The following PRR16 variants were observed in gnomAD, a reference collection of about 807,000 sequenced individuals.
PRR16 encodes protein Largen.
In PRR16, 6 loss-of-function variants were observed where a neutral mutation model predicts 18.2. That is an observed-to-expected ratio of 0.33 (90% CI 0.18 to 0.65). The LOEUF (loss-of-function observed/expected upper bound fraction) is 0.65, where lower values mean the gene tolerates loss of function less well. Among genes scored for constraint, PRR16 ranks in the 30% least tolerant of loss-of-function variants. PRR16 has a pLI of 0.74. For missense variants in PRR16, 412 were observed against 376.6 expected (o/e 1.09, Z -0.78); for synonymous variants, 151 against 147.8 (o/e 1.02, Z -0.16).
intron 1 of PRR16, among the ~76,000 whole-genome samples, chr5:120,595,627 C>A (rs1157237480): frequency 6.6e-6 from 1 of 151,830 alleles, no homozygotes; most frequent in Non-Finnish European, 1.5e-5. Flanking sequence ...CACCACACTC[C>A]ATGACACAAC....
chr5:120,774,121 GTATT>G, the PRR16 span, among the ~76,000 whole-genome samples: 29 of 152,172 alleles, frequency 1.9e-4, no homozygotes, highest in African/African-American at 6.5e-4. Context: ...TTAAGGTTGA[GTATT>G]TAATTTCTTA....
At chr5:120,534,661 A>T (rs1455278072) in intron 1 of PRR16, among the ~76,000 whole-genome samples, 1 of 152,156 alleles carries the variant, frequency 6.6e-6, no homozygotes, top group South Asian at 2.1e-4. Context: ...ACTCAGCATA[A>T]GTTGGTCCAT....
chr5:120,670,913 C>A (rs1249318159), intron 1 of PRR16, among the ~76,000 whole-genome samples: 4 of 152,076 alleles, frequency 2.6e-5, no homozygotes, highest in African/African-American at 9.7e-5. Flanking sequence ...TTTTTTATGA[C>A]TTGCTTTATG....
chr5:120,529,748 GA>G (rs1372179300), intron 1 of PRR16, among the ~76,000 whole-genome samples: 3 of 152,028 alleles, frequency 2.0e-5, no homozygotes, highest in Non-Finnish European at 4.4e-5. Context: ...TGAGTCTAAG[GA>G]TTTAAGAATA....
intron 1 of PRR16, among the ~76,000 whole-genome samples, chr5:120,497,384 A>ATTTTTTTTTTTTTTTTTTTT (rs765496177): frequency 1.2e-5 from 1 of 84,178 alleles, no homozygotes; most frequent in Non-Finnish European, 2.2e-5. Context: ...TGATGAACTG[A>ATTTTTTTTTTTTTTTTTTTT]TTTTTTTTTT....
At chr5:120,610,546 G>A (rs1243198986) in intron 1 of PRR16, among the ~76,000 whole-genome samples, 1 of 151,992 alleles carries the variant, frequency 6.6e-6, no homozygotes, top group Non-Finnish European at 1.5e-5. Context: ...ACGGGGGCCA[G>A]TCTTTCCCAT....
At chr5:120,734,355 G>T in the PRR16 span, among the ~76,000 whole-genome samples, 12 of 152,184 alleles carry the variant, frequency 7.9e-5, no homozygotes, top group Non-Finnish European at 1.8e-4. Context: ...GTGTGTATGT[G>T]TGTGTGTAAG....
At chr5:120,553,889 A>C (rs1341704427) in intron 1 of PRR16, among the ~76,000 whole-genome samples, 1 of 151,924 alleles carries the variant, frequency 6.6e-6, no homozygotes, top group African/African-American at 2.4e-5. Flanking sequence ...ATTTTCTAGC[A>C]AGTCATACAG....
intron 1 of PRR16, among the ~76,000 whole-genome samples, chr5:120,510,222 C>G (rs1306024408): frequency 1.3e-5 from 2 of 152,156 alleles, no homozygotes; most frequent in African/African-American, 2.4e-5. Flanking sequence ...ACACCTGTCT[C>G]TGAAGCAATG....
chr5:120,596,758 A>G (rs1753827153), intron 1 of PRR16, among the ~76,000 whole-genome samples: 1 of 151,676 alleles, frequency 6.6e-6, no homozygotes, highest in Admixed American at 6.6e-5. Flanking sequence ...ATTTATTATT[A>G]TAATGCATTT....
At chr5:120,491,058 C>A (rs1274019684) in intron 1 of PRR16, among the ~76,000 whole-genome samples, 1 of 152,146 alleles carries the variant, frequency 6.6e-6, no homozygotes, top group African/African-American at 2.4e-5. Flanking sequence ...TATCAGTCTG[C>A]CCCTACTGGG....
At chr5:120,710,596 C>G in the PRR16 span, 1 of 152,178 alleles carries the variant, frequency 6.6e-6, no homozygotes, top group Non-Finnish European at 1.5e-5. Context: ...CTCTATAGAA[C>G]TTACTGCTGC....
intron 1 of PRR16, among the ~76,000 whole-genome samples, chr5:120,674,207 G>C (rs1756715494): frequency 6.6e-6 from 1 of 151,988 alleles, no homozygotes; most frequent in Admixed American, 6.6e-5. Flanking sequence ...GAAAAAAATT[G>C]TCCTTCATAC....
At chr5:120,688,681 T>C (rs1180741360), downstream of PRR16, among the ~76,000 whole-genome samples, 1 of 152,174 alleles carries the variant, frequency 6.6e-6, no homozygotes, top group Non-Finnish European at 1.5e-5. Flanking sequence ...ATCTTTCCTC[T>C]TCCACCAGTT....
the PRR16 span, among the ~76,000 whole-genome samples, chr5:120,749,842 A>G: frequency 2.6e-5 from 4 of 152,152 alleles, no homozygotes; most frequent in Non-Finnish European, 4.4e-5. Context: ...CAAAAGAACC[A>G]AAGAGTATTT....
chr5:120,564,117 A>G (rs2112722359), intron 1 of PRR16, among the ~76,000 whole-genome samples: 1 of 152,252 alleles, frequency 6.6e-6, no homozygotes, highest in Non-Finnish European at 1.5e-5. Context: ...CTGAGCTGCT[A>G]TCCAAGATGG....
intron 1 of PRR16, among the ~76,000 whole-genome samples, chr5:120,628,404 G>C (rs539273729): frequency 1.3e-5 from 2 of 152,006 alleles, no homozygotes; most frequent in African/African-American, 2.4e-5. Flanking sequence ...ACTTGTTAGA[G>C]CTCTCTGAGC....
the PRR16 span, among the ~76,000 whole-genome samples, chr5:120,694,536 T>C: frequency 6.6e-6 from 1 of 151,838 alleles, no homozygotes; most frequent in Non-Finnish European, 1.5e-5. Context: ...TACAAAAAAT[T>C]AGCCGGGCGA....
intron 1 of PRR16, among the ~76,000 whole-genome samples, chr5:120,539,687 C>A (rs1167854026): frequency 6.6e-6 from 1 of 151,776 alleles, no homozygotes; most frequent in Non-Finnish European, 1.5e-5. Context: ...GAAAAAAAAA[C>A]AATGCTATCT....
Sources: gnomAD v4.1 joint callset for allele counts (sites outside exome capture counted in the v4.1 genomes callset) on GRCh38, gnomAD v4.1.1 for gene constraint, MANE v1.5 for transcripts, NCBI Gene and HGNC (gene_info 2026-07-23, HGNC 2026-07-21) for gene names.